The following MCTP1 variants were observed in gnomAD, a reference collection of about 807,000 sequenced individuals.
MCTP1 encodes the protein multiple C2 and transmembrane domain containing 1.
In MCTP1, 69 loss-of-function variants were observed where a neutral mutation model predicts 120.6. The ratio of observed to expected loss-of-function variants is 0.57; its 90% confidence interval spans 0.47 to 0.70. MCTP1 has a LOEUF of 0.70. Among genes scored for constraint, MCTP1 ranks in the 30% least tolerant of loss-of-function variants. MCTP1 has a pLI of 0.00. For synonymous variants in MCTP1, 529 were observed against 493.1 expected (o/e 1.07, Z -0.96); for missense variants, 1,203 against 1,248.8 (o/e 0.96, Z 0.55).
chr5:94,889,098 T>C, intron 11 of MCTP1, 126 bp from the exon 12 acceptor site: 1 of 578,276 alleles, frequency 1.7e-6, no homozygotes, highest in Non-Finnish European at 3.0e-6. Context: ...AACATTAAAC[T>C]AACTAATTTT....
At position 95,273,620 on chromosome 5, in the gene MCTP1, G is replaced by T. The variant is rs188820543; in HGVS notation, c.720+10236C>A. Among the ~76,000 whole-genome samples, 190 of 152,224 alleles carry T rather than the reference G, an allele frequency of 1.2e-3. 1 individual carries two copies. Among genetic ancestry groups the T allele is most frequent in the African/African-American group, 4.5e-3 (185 of 41,546 alleles). ...TCTATTAACACTCACTACTTTCAGT[G>T]CCTGACACTGCACAAAAAAGAGAAC... On this transcript the variant is annotated intron_variant, in intron 1 of 22. Coordinates refer to ENST00000515393, the MANE Select transcript of MCTP1 (RefSeq NM_024717.7).
At chr5:95,062,994 T>G (rs1320971256) in intron 1 of MCTP1, among the ~76,000 whole-genome samples, 2 of 152,032 alleles carry the variant, frequency 1.3e-5, no homozygotes, top group Admixed American at 6.6e-5. Context: ...AATTTTTTAT[T>G]TTTTGTAGAG....
intron 1 of MCTP1, among the ~76,000 whole-genome samples, chr5:95,075,628 C>T (rs752876011): frequency 3.9e-5 from 6 of 152,022 alleles, no homozygotes; most frequent in Admixed American, 6.5e-5. Context: ...TAGATGGAGA[C>T]GCTGCTCTTT....
chr5:95,111,468 C>T lies in MCTP1; in HGVS notation c.721-93984G>A, dbSNP rs9314128. ...GGTATACAGAATGACCAAGTTTAGA[C>T]CCTAATTTTTAAGCCAAAAATCTAT... is the stretch of plus-strand genomic sequence containing the variant. On this transcript the variant is annotated intron_variant, in intron 1 of 22. Transcript: ENST00000515393. Among the ~76,000 whole-genome samples, 409 of 152,258 alleles carry T rather than the reference C, an allele frequency of 2.7e-3. 1 individual carries two copies. The highest frequency in any genetic ancestry group is 9.5e-3 in the African/African-American group (396 of 41,562).
chr5:94,750,756 C>A (rs936668146), intron 19 of MCTP1, among the ~76,000 whole-genome samples: 1 of 152,198 alleles, frequency 6.6e-6, no homozygotes, highest in Non-Finnish European at 1.5e-5. Flanking sequence ...GTTATTACTG[C>A]AGCAAAACCT....
chr5:94,972,362 T>C (rs927877447), intron 2 of MCTP1, among the ~76,000 whole-genome samples: 3 of 152,088 alleles, frequency 2.0e-5, no homozygotes, highest in South Asian at 2.1e-4. Flanking sequence ...ACAGCCATTT[T>C]CCCCCTTTCC....
chr5:95,227,606 C>T (rs1754432640), intron 1 of MCTP1, among the ~76,000 whole-genome samples: 1 of 152,166 alleles, frequency 6.6e-6, no homozygotes, highest in Non-Finnish European at 1.5e-5. Context: ...TTTATAACAT[C>T]TTCTAGAATC....
rs111890273 is a variant in MCTP1 at position 95,024,648 on chromosome 5, T to TACACACACACACACACAC, written c.721-7182_721-7165dup. 5.5e-3 allele frequency among the ~76,000 whole-genome samples: 806 copies of TACACACACACACACACAC among 146,350 alleles called. 1 individual carries two copies. The highest frequency in any genetic ancestry group is 0.011 in the Middle Eastern group (3 of 280). ...GAGAAAGAAATGAAAGGCATTCAAA[T>TACACACACACACACACAC]ACACACACACACACACACACACACA... On this transcript the variant is annotated intron_variant, in intron 1 of 22. Coordinates refer to ENST00000515393, the MANE Select transcript of MCTP1 (RefSeq NM_024717.7).
At chr5:95,050,750 C>A (rs1056045401) in intron 1 of MCTP1, among the ~76,000 whole-genome samples, 6 of 152,186 alleles carry the variant, frequency 3.9e-5, no homozygotes, top group East Asian at 1.9e-4. Context: ...TCACAAAAAA[C>A]CAGTGTGGAA....
intron 18 of MCTP1, among the ~76,000 whole-genome samples, chr5:94,790,422 A>C (rs1374863190): frequency 6.6e-6 from 1 of 152,228 alleles, no homozygotes; most frequent in Non-Finnish European, 1.5e-5. Flanking sequence ...GCTGGTTTAA[A>C]GAGAGCACGA....
At chr5:95,003,444 T>C (rs1834101635) in intron 2 of MCTP1, among the ~76,000 whole-genome samples, 1 of 152,244 alleles carries the variant, frequency 6.6e-6, no homozygotes, top group Non-Finnish European at 1.5e-5. Context: ...AAGTACACCC[T>C]GTGATGTTCA....
chr5:95,128,893 T>C (rs1171183905), intron 1 of MCTP1, among the ~76,000 whole-genome samples: 1 of 152,048 alleles, frequency 6.6e-6, no homozygotes, highest in African/African-American at 2.4e-5. Flanking sequence ...CTTTCAACAA[T>C]AACAATGTAA....
intron 17 of MCTP1, among the ~76,000 whole-genome samples, chr5:94,819,139 A>T (rs1172884161): frequency 1.4e-5 from 2 of 145,424 alleles, no homozygotes; most frequent in Non-Finnish European, 3.0e-5. Context: ...TCATTCTTTC[A>T]TTCATTCGAG....
chr5:94,948,702 A>T (rs1040227327), intron 3 of MCTP1, among the ~76,000 whole-genome samples: 2 of 152,150 alleles, frequency 1.3e-5, no homozygotes, highest in African/African-American at 4.8e-5. Context: ...GAGGTGTTTT[A>T]AAAATACAGA....
intron 19 of MCTP1, among the ~76,000 whole-genome samples, chr5:94,776,773 A>C (rs1278831841): frequency 2.0e-5 from 3 of 152,110 alleles, no homozygotes; most frequent in African/African-American, 7.2e-5. Flanking sequence ...ACTTTAAATA[A>C]AGGAACCAAC....
intron 17 of MCTP1, among the ~76,000 whole-genome samples, chr5:94,839,449 C>T (rs1292154921): frequency 2.0e-5 from 3 of 151,868 alleles, no homozygotes; most frequent in Non-Finnish European, 4.4e-5. Context: ...GTTGACACAG[C>T]AGTTTGCTGA....
intron 4 of MCTP1, among the ~76,000 whole-genome samples, chr5:94,941,723 A>G (rs1817769870): frequency 6.6e-6 from 1 of 152,010 alleles, no homozygotes; most frequent in African/African-American, 2.4e-5. Flanking sequence ...CTTAGTTCCT[A>G]TGTTGAAATT....
chr5:94,717,952 T>C (rs1295594051), intron 19 of MCTP1, among the ~76,000 whole-genome samples: 1 of 152,146 alleles, frequency 6.6e-6, no homozygotes, highest in Non-Finnish European at 1.5e-5. Context: ...CAAAGTAATT[T>C]AAAGATTCAA....
At chr5:95,237,054 A>G (rs1755617488) in intron 1 of MCTP1, among the ~76,000 whole-genome samples, 1 of 152,200 alleles carries the variant, frequency 6.6e-6, no homozygotes, top group Non-Finnish European at 1.5e-5. Context: ...GAAAGTTCCC[A>G]GGAATGCTTG....
Sources: gnomAD v4.1 joint callset for allele counts (sites outside exome capture counted in the v4.1 genomes callset) on GRCh38, gnomAD v4.1.1 for gene constraint, MANE v1.5 for transcripts, NCBI Gene and HGNC (gene_info 2026-07-23, HGNC 2026-07-21) for gene names.